P4HA1: variants seen among roughly 807,000 people sequenced by gnomAD.
The protein encoded by P4HA1 is prolyl 4-hydroxylase subunit alpha 1.
P4HA1 carries 24 observed loss-of-function variants against 72.8 expected under a neutral mutation model. That is an observed-to-expected ratio of 0.33 (90% confidence interval 0.24 to 0.46). The LOEUF (loss-of-function observed/expected upper bound fraction) is 0.46, where lower values mean the gene tolerates loss of function less well. P4HA1 is among the 20% of genes least tolerant of loss of function. P4HA1 has a pLI of 1.00. For synonymous variants in P4HA1, 201 were observed against 218.8 expected (o/e 0.92, Z 0.72); for missense variants, 446 against 640.6 (o/e 0.70, Z 3.28).
intron 10 of P4HA1, among the ~76,000 whole-genome samples, chr10:73,026,755 G>GA (rs1248927344): frequency 3.3e-5 from 5 of 151,622 alleles, no homozygotes; most frequent in Non-Finnish European, 7.4e-5. Flanking sequence ...AAATTTACAA[G>GA]AAAAAAACAA....
In P4HA1 at chr10:73,068,718, G is replaced by A. The variant is rs1230450951; in HGVS notation, c.463+128C>T. ...AAGGGAAGGTGATTCTTTAGTCTTC[G>A]AAGGCTATGAAACAAACTACAATTT... On this transcript the variant is annotated intron_variant, in intron 5 of 14. Coordinates refer to ENST00000394890, the MANE Select transcript of P4HA1 (RefSeq NM_001017962.3). 82 of 727,524 alleles carry A rather than the reference G, an allele frequency of 1.1e-4. No homozygotes were observed. In the East Asian group the frequency reaches 1.9e-3, roughly 17 times the overall value. 45.1% of individuals were successfully genotyped at this position (727,524 alleles called of 1,614,324 possible).
At chr10:73,034,549 T>A (rs1217520117) in intron 9 of P4HA1, among the ~76,000 whole-genome samples, 1 of 151,820 alleles carries the variant, frequency 6.6e-6, no homozygotes, top group East Asian at 1.9e-4. Context: ...ATAATATTTG[T>A]CAATTCTAGC....
chr10:73,085,729 A>T (rs1307421154), intron 1 of P4HA1, among the ~76,000 whole-genome samples: 1 of 152,094 alleles, frequency 6.6e-6, no homozygotes, highest in Non-Finnish European at 1.5e-5. Context: ...ACATTTCTCC[A>T]AAGAGGCAAG....
intron 1 of P4HA1, among the ~76,000 whole-genome samples, chr10:73,076,360 GTTT>G (rs553512800): frequency 7.4e-6 from 1 of 136,010 alleles, no homozygotes; most frequent in Non-Finnish European, 1.6e-5. Context: ...CACTGTGCCT[GTTT>G]TTTTTTTTTT....
chr10:73,030,820 A>C (rs1386757222), intron 9 of P4HA1, among the ~76,000 whole-genome samples: 1 of 152,186 alleles, frequency 6.6e-6, no homozygotes, highest in African/African-American at 2.4e-5. Context: ...TTACTGCTTA[A>C]GTTTTGAAAA....
intron 10 of P4HA1, among the ~76,000 whole-genome samples, chr10:73,018,287 G>A (rs1840054944): frequency 1.3e-5 from 2 of 152,156 alleles, no homozygotes; most frequent in South Asian, 4.1e-4. Flanking sequence ...ATCACCCTTG[G>A]GGAATTGTTG....
intron 6 of P4HA1, among the ~76,000 whole-genome samples, chr10:73,052,168 G>A (rs1224334017): frequency 1.1e-4 from 17 of 149,868 alleles, no homozygotes; most frequent in African/African-American, 3.9e-4. Context: ...AAGAAAAGAT[G>A]ACTACGCTAC....
chr10:73,078,111 C>A (rs1393162050), intron 1 of P4HA1, among the ~76,000 whole-genome samples: 2 of 129,796 alleles, frequency 1.5e-5, no homozygotes, highest in Admixed American at 7.4e-5. Flanking sequence ...AACTAGAAAA[C>A]CATTTAAAGA....
At chr10:73,057,219 G>A (rs923341382) in intron 5 of P4HA1, among the ~76,000 whole-genome samples, 3 of 150,872 alleles carry the variant, frequency 2.0e-5, no homozygotes, top group Non-Finnish European at 3.0e-5. Flanking sequence ...GGCCGGGCGC[G>A]GTGGCTCACG....
intron 9 of P4HA1, among the ~76,000 whole-genome samples, chr10:73,032,713 C>T (rs1028544950): frequency 1.3e-5 from 2 of 152,164 alleles, no homozygotes; most frequent in African/African-American, 2.4e-5. Flanking sequence ...AGAAGCTTTC[C>T]TTTACCTCTC....
intron 1 of P4HA1, among the ~76,000 whole-genome samples, chr10:73,095,291 A>C (rs1360775253): frequency 6.6e-6 from 1 of 151,714 alleles, no homozygotes; most frequent in Non-Finnish European, 1.5e-5. Flanking sequence ...ATGAAGACAA[A>C]ATATAGTTGA....
At chr10:73,010,924 T>A in intron 13 of P4HA1, 45 bp downstream of exon 13, 1 of 1,411,630 alleles carries the variant, frequency 7.1e-7, no homozygotes, top group Non-Finnish European at 1.0e-6. Flanking sequence ...CATCTCTTCC[T>A]TAGGGAAAAA....
chr10:73,078,376 AG>A (rs1461202921), intron 1 of P4HA1, among the ~76,000 whole-genome samples: 1 of 152,132 alleles, frequency 6.6e-6, no homozygotes, highest in East Asian at 1.9e-4. Flanking sequence ...TTTAACTTGT[AG>A]AGTTAAATGA....
At chr10:73,061,450 A>T (rs1362908244) in intron 5 of P4HA1, among the ~76,000 whole-genome samples, 1 of 152,234 alleles carries the variant, frequency 6.6e-6, no homozygotes, top group Non-Finnish European at 1.5e-5. Context: ...GGAAAAGGGA[A>T]TAAAAGGGAC....
At chr10:73,043,380 G>C (rs928341320) in intron 9 of P4HA1, among the ~76,000 whole-genome samples, 1 of 152,220 alleles carries the variant, frequency 6.6e-6, no homozygotes, top group African/African-American at 2.4e-5. Context: ...AATTCTGTGA[G>C]CTCTAAGTTA....
chr10:73,043,810 A>G (rs750045451), intron 9 of P4HA1: 22 of 1,070,904 alleles, frequency 2.1e-5, no homozygotes, highest in Non-Finnish European at 2.6e-5. Flanking sequence ...AAACTATATC[A>G]TGAGTTTTCA....
At chr10:73,017,567 A>T (rs1348049295) in intron 10 of P4HA1, among the ~76,000 whole-genome samples, 2 of 150,522 alleles carry the variant, frequency 1.3e-5, no homozygotes, top group Admixed American at 6.6e-5. Flanking sequence ...ACTTAAATCA[A>T]AAAATGTTTT....
chr10:73,093,876 ATATAT>A (rs1842100261), intron 1 of P4HA1, among the ~76,000 whole-genome samples: 82 of 54,636 alleles, frequency 1.5e-3, no homozygotes, highest in African/African-American at 6.8e-3. Flanking sequence ...AAAAAAAAAT[ATATAT>A]ATATATATAT....
At chr10:73,042,572 T>C (rs1564626544) in intron 9 of P4HA1, among the ~76,000 whole-genome samples, 1 of 152,198 alleles carries the variant, frequency 6.6e-6, no homozygotes, top group African/African-American at 2.4e-5. Flanking sequence ...CTAAATACCA[T>C]AATGATTTGA....
Sources: gnomAD v4.1 joint callset for allele counts (sites outside exome capture counted in the v4.1 genomes callset) on GRCh38, gnomAD v4.1.1 for gene constraint, MANE v1.5 for transcripts, NCBI Gene and HGNC (gene_info 2026-07-23, HGNC 2026-07-21) for gene names.